Variants in LAMA2 observed in about 807,000 individuals in gnomAD.
LAMA2 encodes the protein laminin subunit alpha-2.
In LAMA2, 269 loss-of-function variants were observed where a neutral mutation model predicts 364.8. That is an observed-to-expected ratio of 0.74 (90% CI 0.67 to 0.82). The LOEUF is 0.82. Among genes scored for constraint, LAMA2 ranks in the 40% least tolerant of loss-of-function variants. The pLI is 0.00. For synonymous variants in LAMA2, 1,379 were observed against 1,370.6 expected, an observed-to-expected ratio of 1.01 and a Z score of -0.14; for missense variants, 3,807 against 3,873.2, an observed-to-expected ratio of 0.98 and a Z score of 0.45.
At chr6:129,096,941 C>T (rs1775224232) in intron 3 of LAMA2, among the ~76,000 whole-genome samples, 1 of 152,090 alleles carries the variant, frequency 6.6e-6, no homozygotes, top group African/African-American at 2.4e-5. Context: ...TAGGGTATAC[C>T]ATAGATCCTA....
intron 55 of LAMA2, 51 bp downstream of exon 55, chr6:129,481,490 CA>C: frequency 1.4e-6 from 2 of 1,432,778 alleles, no homozygotes; most frequent in Non-Finnish European, 2.0e-6. Context: ...TTATATAAAG[CA>C]GTTAACTTAC....
At chr6:129,465,115 A>G (rs1345020703) in intron 50 of LAMA2, 30 bp from the exon 51 acceptor site, 1 of 1,582,428 alleles carries the variant, frequency 6.3e-7, no homozygotes, top group Non-Finnish European at 8.7e-7. Flanking sequence ...TGTGTATCTA[A>G]CCACTGGGGT....
At chr6:129,072,622 T>A (rs1222414289) in intron 3 of LAMA2, among the ~76,000 whole-genome samples, 1 of 152,166 alleles carries the variant, frequency 6.6e-6, no homozygotes. Flanking sequence ...TATCTTTTGC[T>A]AATTTTTCTT....
At chr6:129,426,875 G>A (rs1372584979) in intron 40 of LAMA2, among the ~76,000 whole-genome samples, 1 of 152,160 alleles carries the variant, frequency 6.6e-6, no homozygotes, top group African/African-American at 2.4e-5. Context: ...TTATGTCTGT[G>A]ATAATCTGAG....
In LAMA2 at chr6:129,252,134, A is replaced by G. The variant is rs1200597445; in HGVS notation, c.1935A>G (p.Pro645=). The change falls in exon 14 of 65, where the codon CCA becomes CCG. Residue 645 remains proline, a synonymous_variant. Coordinates refer to ENST00000421865, the MANE Select transcript of LAMA2 (RefSeq NM_000426.4). ...STAQDEVYLH[P]SEEHTNVLLL... is the part of the protein sequence containing the mutation. ...CCCAAGATGAGGTGTACCTGCACCC[A>G]TCTGAAGAACATACTAATGTATTGT... 1.9e-6 allele frequency: 3 copies of G among 1,613,836 alleles called. No homozygotes were observed. The highest frequency in any genetic ancestry group is 1.7e-5 in the Admixed American group (1 of 60,008).
intron 44 of LAMA2, among the ~76,000 whole-genome samples, chr6:129,443,881 C>T (rs1346783856): frequency 6.6e-6 from 1 of 152,056 alleles, no homozygotes; most frequent in Admixed American, 6.5e-5. Flanking sequence ...ATTACTAAAC[C>T]ATCATTGAAA....
At chr6:129,128,932 T>C (rs1777283350) in intron 4 of LAMA2, among the ~76,000 whole-genome samples, 1 of 152,160 alleles carries the variant, frequency 6.6e-6, no homozygotes, top group South Asian at 2.1e-4. Flanking sequence ...ATTTCTTAAG[T>C]AAACTATCCT....
chr6:128,926,847 A>G (rs1562838165), intron 1 of LAMA2, among the ~76,000 whole-genome samples: 1 of 152,340 alleles, frequency 6.6e-6, no homozygotes, highest in East Asian at 1.9e-4. Context: ...ACGTTGTAGT[A>G]TTATTGGTAA....
chr6:129,229,207 G>A (rs963082670), intron 12 of LAMA2, among the ~76,000 whole-genome samples: 1 of 152,042 alleles, frequency 6.6e-6, no homozygotes, highest in Non-Finnish European at 1.5e-5. Flanking sequence ...TAAATGACAA[G>A]AAAAAAAGTA....
chr6:129,241,810 G>A (rs1785410885), intron 12 of LAMA2, among the ~76,000 whole-genome samples: 1 of 152,140 alleles, frequency 6.6e-6, no homozygotes, highest in Admixed American at 6.6e-5. Context: ...GTGTGACTTA[G>A]TATCCATTGC....
At chr6:128,950,576 G>T (rs908613817) in intron 1 of LAMA2, among the ~76,000 whole-genome samples, 7 of 152,090 alleles carry the variant, frequency 4.6e-5, no homozygotes, top group African/African-American at 1.7e-4. Context: ...TCTGGGAGTA[G>T]CTTAGGTGGG....
intron 3 of LAMA2, among the ~76,000 whole-genome samples, chr6:129,074,699 T>A (rs552198928): frequency 6.6e-6 from 1 of 152,344 alleles, no homozygotes; most frequent in African/African-American, 2.4e-5. Flanking sequence ...TTGCTTTTTG[T>A]GAATTTAAGG....
chr6:128,977,063 C>G (rs1782571664), intron 1 of LAMA2, among the ~76,000 whole-genome samples: 1 of 152,064 alleles, frequency 6.6e-6, no homozygotes, highest in Non-Finnish European at 1.5e-5. Flanking sequence ...AATGCCTTAT[C>G]TGGCCTTTTT....
chr6:128,957,953 C>G (rs1043267661), intron 1 of LAMA2, among the ~76,000 whole-genome samples: 2 of 145,158 alleles, frequency 1.4e-5, no homozygotes, highest in Admixed American at 7.2e-5. Flanking sequence ...TGAGGTTTCA[C>G]TTGAAAATCC....
chr6:128,963,528 G>A (rs1200463167), intron 1 of LAMA2, among the ~76,000 whole-genome samples: 1 of 151,730 alleles, frequency 6.6e-6, no homozygotes, highest in African/African-American at 2.4e-5. Context: ...TTTCCACAGA[G>A]TTGTTTACTG....
intron 36 of LAMA2, 84 bp from the exon 37 acceptor site, chr6:129,392,961 T>G (rs1357840432): frequency 9.6e-7 from 1 of 1,040,194 alleles, no homozygotes; most frequent in African/African-American, 1.6e-5. Context: ...TGTTAGCATC[T>G]CTTTGTAACA....
At chr6:129,476,120 C>A (rs1399692554) in intron 53 of LAMA2, among the ~76,000 whole-genome samples, 1 of 152,138 alleles carries the variant, frequency 6.6e-6, no homozygotes, top group Non-Finnish European at 1.5e-5. Context: ...AATGGCTGAA[C>A]AAACCTCAGA....
At chr6:129,166,661 C>G (rs1779760204) in intron 9 of LAMA2, among the ~76,000 whole-genome samples, 1 of 152,136 alleles carries the variant, frequency 6.6e-6, no homozygotes, top group East Asian at 1.9e-4. Context: ...TCATTTAACT[C>G]TTCCCTACCC....
intron 53 of LAMA2, among the ~76,000 whole-genome samples, chr6:129,475,631 C>T (rs1297995472): frequency 1.3e-5 from 2 of 151,998 alleles, no homozygotes; most frequent in Non-Finnish European, 2.9e-5. Flanking sequence ...GTCTCACCAG[C>T]AGTGATGAGA....
Sources: allele counts gnomAD v4.1 joint callset (sites outside exome capture counted in the v4.1 genomes callset), GRCh38; gene constraint gnomAD v4.1.1; transcripts MANE v1.5; gene names NCBI Gene and HGNC (gene_info 2026-07-23, HGNC 2026-07-21).